The following HERC2 variants were observed in gnomAD, a reference collection of about 807,000 sequenced individuals.
HERC2 encodes E3 ubiquitin-protein ligase HERC2.
Under a neutral mutation model 537.7 loss-of-function variants are expected in HERC2, and 102 were observed. The observed-to-expected ratio is 0.19, with a 90% CI of 0.16 to 0.22. HERC2 has a LOEUF of 0.22. HERC2 is among the 10% of genes least tolerant of loss of function. The pLI, the probability that HERC2 is intolerant of heterozygous loss-of-function variation, is 1.00. For synonymous variants in HERC2, 2,224 were observed against 2,466.2 expected, an observed-to-expected ratio of 0.90 and a Z score of 2.91; for missense variants, 4,236 against 6,198.2, an observed-to-expected ratio of 0.68 and a Z score of 10.63.
Position 28,166,526 on chromosome 15 carries a change from C to G in HERC2, c.10554+1161G>C, listed in dbSNP as rs904407815. ...TACCAAGCACCCAGATCTCGGTTTC[C>G]AAATCCTACAAGCCACTAGCAGGAA... On this transcript the variant is annotated intron_variant, in intron 68 of 92. Transcript: ENST00000261609. Among the ~76,000 whole-genome samples, 3 of 152,250 alleles carry G rather than the reference C, an allele frequency of 2.0e-5. No homozygotes were observed. The East Asian group carries it at 5.8e-4, about 29-fold the overall frequency.
At chr15:28,193,511 C>T (rs756035498) in intron 52 of HERC2, among the ~76,000 whole-genome samples, 11 of 151,966 alleles carry the variant, frequency 7.2e-5, no homozygotes, top group Non-Finnish European at 1.2e-4. Context: ...AAAGAAGAGT[C>T]CCCCCAAAAA....
chr15:28,186,594 C>G lies in HERC2; in HGVS notation c.8808G>C (p.Glu2936Asp). The G allele has an allele frequency of 6.2e-7, 1 of 1,613,952 alleles. No homozygotes were observed. ...LASDNEEEED[E>D]KGNSGSLIRK... ...GTTCTCACCTTCCGCTGTTGCCTTTCTCATCCTCCTCCTCTTCATTATCCG... is the reference window on the plus strand; with the variant it reads ...GTTCTCACCTTCCGCTGTTGCCTTTGTCATCCTCCTCCTCTTCATTATCCG... The change falls in exon 56 of 93, where the codon GAG becomes GAC. Residue 2936 changes from glutamate to aspartate, a missense_variant. Transcript: ENST00000261609.
Position 28,117,060 on chromosome 15 carries a change from G to A in HERC2, c.13367C>T (p.Pro4456Leu). Residue 4456 changes from proline to leucine, a missense_variant, in exon 87 of 93, where the codon CCC becomes CTC. Transcript: ENST00000261609. ...ACGGTGAGGAAGGAGGAGGCTGTCGGGACCAAACGAGCTCATCTTAGCACA... is the reference window on the plus strand; with the variant it reads ...ACGGTGAGGAAGGAGGAGGCTGTCGAGACCAAACGAGCTCATCTTAGCACA... ...QMCAKMSSFG[P>L]DSLLLPHRVW... 1 of 1,614,184 alleles carries A rather than the reference G, an allele frequency of 6.2e-7. No individual in the cohort carries two copies. The highest frequency in any genetic ancestry group is 8.5e-7 in the Non-Finnish European group (1 of 1,180,038).
intron 79 of HERC2, among the ~76,000 whole-genome samples, chr15:28,135,134 C>G (rs1890503022): frequency 6.6e-6 from 1 of 152,116 alleles, no homozygotes; most frequent in Non-Finnish European, 1.5e-5. Flanking sequence ...CTCACCCCTG[C>G]TATTTCCTCT....
chr15:28,240,813 T>C (rs956238457), intron 23 of HERC2, among the ~76,000 whole-genome samples: 1 of 152,252 alleles, frequency 6.6e-6, no homozygotes, highest in Non-Finnish European at 1.5e-5. Context: ...GCCTTTTCAA[T>C]GCATGGTACT....
Position 28,228,300 on chromosome 15 carries a change from G to C in HERC2, c.5382C>G (p.Thr1794=). ...RFLLVMLSML[T]LQHGANNLDL... ...CGAGGTTGTTTGCGCCGTGCTGCAG[G>C]GTGAGCATGCTGAGCATCACCAGGA... The change falls in exon 35 of 93, where the codon ACC becomes ACG. Residue 1794 remains threonine (T), a synonymous_variant. Transcript: ENST00000261609. 1 of 1,612,874 alleles carries C rather than the reference G, an allele frequency of 6.2e-7. No individual in the cohort carries two copies. The highest frequency in any genetic ancestry group is 8.5e-7 in the Non-Finnish European group (1 of 1,179,862).
intron 56 of HERC2, among the ~76,000 whole-genome samples, chr15:28,183,212 A>G (rs1566980576): frequency 6.6e-6 from 1 of 151,788 alleles, no homozygotes; most frequent in Non-Finnish European, 1.5e-5. Context: ...GAGTTTATTT[A>G]TTTTTTGTTT....
intron 65 of HERC2, among the ~76,000 whole-genome samples, chr15:28,171,498 C>T (rs1894695058): frequency 6.6e-6 from 1 of 152,160 alleles, no homozygotes; most frequent in South Asian, 2.1e-4. Context: ...CGCCCCAGTT[C>T]ATACAGCCAG....
intron 86 of HERC2, 96 bp from the exon 87 acceptor site, chr15:28,117,250 C>T: frequency 8.2e-7 from 1 of 1,222,830 alleles, no homozygotes; most frequent in Non-Finnish European, 1.2e-6. Flanking sequence ...GAGGAGGAGG[C>T]ACCGTGCATG....
intron 2 of HERC2, 129 bp from the exon 3 acceptor site, chr15:28,299,645 T>A (rs1207957811): frequency 1.6e-6 from 1 of 610,044 alleles, no homozygotes; most frequent in Non-Finnish European, 3.0e-6. Context: ...ATCAATGATT[T>A]ACTGAATTAG....
At chr15:28,178,372 GCTGGACAGACTCTGACCCCACCT>G (rs1222568191) in intron 59 of HERC2, among the ~76,000 whole-genome samples, 1 of 152,204 alleles carries the variant, frequency 6.6e-6, no homozygotes, top group African/African-American at 2.4e-5. Flanking sequence ...ACACAGCCCT[GCTGGACAGACTCTGACCCCACCT>G]CTGGACTTTT....
At chr15:28,289,819 A>G (rs2076262584) in intron 4 of HERC2, among the ~76,000 whole-genome samples, 1 of 152,232 alleles carries the variant, frequency 6.6e-6, no homozygotes. Flanking sequence ...CTCCTTGTGC[A>G]GTGAGAGGAC....
At chr15:28,290,161 T>C (rs764943728) in intron 4 of HERC2, among the ~76,000 whole-genome samples, 1 of 152,220 alleles carries the variant, frequency 6.6e-6, no homozygotes, top group Non-Finnish European at 1.5e-5. Flanking sequence ...GTCAAACTAA[T>C]GCAGTAAGCC....
At position 28,276,229 on chromosome 15, in the gene HERC2, T is replaced by C. The variant is rs150880836; in HGVS notation, c.543-1224A>G. Among the ~76,000 whole-genome samples, 604 of 135,866 alleles carry C rather than the reference T, an allele frequency of 4.4e-3. 8 individuals are homozygous for C. The highest frequency in any genetic ancestry group is 0.015 in the African/African-American group (568 of 36,848). 89.1% of individuals were successfully genotyped at this position (135,866 alleles called of 152,430 possible). A position where few individuals can be genotyped will look rare whatever the true frequency, so the allele number is the denominator to read the frequency against. ...AAAAAAAAAAAAAAGAGGGTTGTTA[T>C]AGAAGGATCTCCCCAAGATACAATA... On this transcript the variant is annotated intron_variant, in intron 5 of 92. Transcript: ENST00000261609.
rs1456623264 is a variant in HERC2 at position 28,228,272 on chromosome 15, G to A, written c.5410C>T (p.Leu1804Phe). ...GCCAGCATGCCGGAATTGAGCAGAA[G>A]GTCGAGGTTGTTTGCGCCGTGCTGC... The part of the protein sequence containing the change: ...TLQHGANNLD[L>F]LLNSGMLALT... Residue 1804 changes from leucine to phenylalanine, a missense_variant, in exon 35 of 93, where the codon CTT becomes TTT. Transcript: ENST00000261609. The A allele has an allele frequency of 6.2e-7, 1 of 1,613,566 alleles. No homozygotes were observed. The highest frequency in any genetic ancestry group is 8.5e-7 in the Non-Finnish European group (1 of 1,179,876).
Position 28,229,267 on chromosome 15 carries a change from T to G in HERC2, c.5200A>C (p.Lys1734Gln). The change falls in exon 34 of 93, where the codon AAG (lysine) becomes CAG (glutamine). Residue 1734 changes from lysine (K) to glutamine (Q), a missense_variant. This residue lies in a region of HERC2 where 343 missense variants were observed against 417.2 expected (regional missense o/e 0.82). Transcript: ENST00000261609. The stretch of plus-strand genomic sequence containing the variant: ...TTCTGTACAGCCCAAGCGTACAGCT[T>G]GCCAAAGGTGACTTCCAGCAGCATC... ...NRMLLEVTFG[K>Q]LYAWAVQNIR... 3.7e-6 allele frequency: 6 copies of G among 1,613,770 alleles called. No homozygotes were observed. Among genetic ancestry groups the G allele is most frequent in the Non-Finnish European group, 5.1e-6 (6 of 1,179,684 alleles).
chr15:28,220,031 G>A (rs896786616), intron 37 of HERC2, among the ~76,000 whole-genome samples: 1 of 152,192 alleles, frequency 6.6e-6, no homozygotes, highest in African/African-American at 2.4e-5. Flanking sequence ...GCAGGTGGCA[G>A]GTGGGGTGTG....
chr15:28,113,311 G>C lies in HERC2; in HGVS notation c.14020-28C>G. On this transcript the variant is annotated intron_variant, in intron 91 of 92. Coordinates refer to ENST00000261609, the MANE Select transcript of HERC2 (RefSeq NM_004667.6). The surrounding 1 kb of genome is among the most constrained non-coding windows in gnomAD (Gnocchi z 7.0). Reference sequence around the variant, plus strand: ...GCGGGAGGATGTCTGTCAGGGCCGCGTGATGCTTCCCACCCTGGCATTTCC... The same window carrying C: ...GCGGGAGGATGTCTGTCAGGGCCGCCTGATGCTTCCCACCCTGGCATTTCC... 6.2e-7 allele frequency: 1 copy of C among 1,602,166 alleles called. No homozygotes were observed. The highest frequency in any genetic ancestry group is 8.6e-7 in the Non-Finnish European group (1 of 1,169,518).
intron 35 of HERC2, among the ~76,000 whole-genome samples, chr15:28,225,336 G>C (rs1222858236): frequency 6.6e-6 from 1 of 151,876 alleles, no homozygotes; most frequent in Non-Finnish European, 1.5e-5. Flanking sequence ...ATAGAGAATA[G>C]AAAAATAACA....
Sources: gnomAD v4.1 joint callset for allele counts (sites outside exome capture counted in the v4.1 genomes callset) on GRCh38, gnomAD v4.1.1 for gene constraint, gnomAD v4.1.1 regional missense constraint, Gnocchi (gnomAD v3.1) non-coding constraint, MANE v1.5 for transcripts, NCBI Gene and HGNC (gene_info 2026-07-23, HGNC 2026-07-21) for gene names.